ZNF280B: variants seen among roughly 807,000 people sequenced by gnomAD.
ZNF280B encodes the protein suppressor of hairy wing homolog 2.
ZNF280B carries 16 observed loss-of-function variants against 38.0 expected under a neutral mutation model. That is an observed-to-expected ratio of 0.42 (90% CI 0.28 to 0.64). The LOEUF (loss-of-function observed/expected upper bound fraction) is 0.64. ZNF280B is among the 30% of genes least tolerant of loss of function. ZNF280B has a pLI of 0.21. For synonymous variants in ZNF280B, 253 were observed against 230.6 expected (o/e 1.10, Z -0.88); for missense variants, 581 against 639.6 (o/e 0.91, Z 0.99).
At position 22,486,552 on chromosome 22, in the gene ZNF280B, AGAG is replaced by A. The variant is rs2061504114; in HGVS notation, c.*1212_*1214del. The A allele has an allele frequency of 6.6e-6, 1 of 152,320 alleles. No homozygotes were observed. The highest frequency in any genetic ancestry group is 1.5e-5 in the Non-Finnish European group (1 of 68,022). 9.4% of individuals were successfully genotyped at this position (152,320 alleles called of 1,614,324 possible). On this transcript the variant is annotated 3_prime_UTR_variant, in exon 4 of 4. Transcript: ENST00000626650. ...CTCCACTAACGGCTAGCCAGAAGGGAGAGGAGAGGGAATGAATCAAATTCACCT... is the reference window on the plus strand; with the variant it reads ...CTCCACTAACGGCTAGCCAGAAGGGAGAGAGGGAATGAATCAAATTCACCT...
intron 2 of ZNF280B, among the ~76,000 whole-genome samples, chr22:22,498,253 G>A (rs2061741232): frequency 6.6e-6 from 1 of 151,944 alleles, no homozygotes; most frequent in South Asian, 2.1e-4. Context: ...ACTTTGGAAT[G>A]ATGGAAATGT....
In ZNF280B at chr22:22,487,697, T is replaced by C; in HGVS notation, c.*70A>G. On this transcript the variant is annotated 3_prime_UTR_variant, in exon 4 of 4. Coordinates refer to ENST00000626650, the MANE Select transcript of ZNF280B (RefSeq NM_080764.4). The stretch of plus-strand genomic sequence containing the variant: ...TGGTGCTACTGAATAATGTATGGTT[T>C]GTATTTTTTGTTTTATGAGGTTTTT... 1 of 1,344,526 alleles carries C rather than the reference T, an allele frequency of 7.4e-7. No individual in the cohort carries two copies. The highest frequency in any genetic ancestry group is 1.0e-6 in the Non-Finnish European group (1 of 986,200). 83.3% of individuals were successfully genotyped at this position (1,344,526 alleles called of 1,614,324 possible).
At chr22:22,508,460 G>A (rs1179026541) in intron 1 of ZNF280B, among the ~76,000 whole-genome samples, 199 bp downstream of exon 1, 1 of 151,814 alleles carries the variant, frequency 6.6e-6, no homozygotes, top group Non-Finnish European at 1.5e-5. Context: ...CTGAGATTAG[G>A]GAAGGGGGTG....
upstream of ZNF280B, chr22:22,509,024 A>C (rs1339659615): frequency 3.9e-5 from 6 of 155,086 alleles, no homozygotes; most frequent in Admixed American, 2.0e-4. Context: ...CCAAGCAGTC[A>C]GGGTTCCAGA....
At position 22,487,603 on chromosome 22, in the gene ZNF280B, C is replaced by T; in HGVS notation, c.*164G>A. The T allele has an allele frequency of 1.8e-6, 1 of 556,308 alleles. No individual in the cohort carries two copies. Among genetic ancestry groups the T allele is most frequent in the Non-Finnish European group, 3.0e-6 (1 of 336,426 alleles). 34.5% of individuals were successfully genotyped at this position (556,308 alleles called of 1,614,324 possible). A position where few individuals can be genotyped will look rare whatever the true frequency, so the allele number is the denominator to read the frequency against. ...TGTTTTAAAATAATACCTCAAAATTCAGATCAAATAATATATATCCTGAAT... is the reference window on the plus strand; with the variant it reads ...TGTTTTAAAATAATACCTCAAAATTTAGATCAAATAATATATATCCTGAAT... On this transcript the variant is annotated 3_prime_UTR_variant, in exon 4 of 4. Coordinates refer to ENST00000626650, the MANE Select transcript of ZNF280B (RefSeq NM_080764.4).
At chr22:22,500,378 T>C (rs1305608079) in intron 2 of ZNF280B, among the ~76,000 whole-genome samples, 1 of 151,690 alleles carries the variant, frequency 6.6e-6, no homozygotes, top group African/African-American at 2.4e-5. Context: ...TATATATATA[T>C]ATGCACACAC....
chr22:22,493,821 T>C (rs1393149090), intron 3 of ZNF280B, among the ~76,000 whole-genome samples: 1 of 151,998 alleles, frequency 6.6e-6, no homozygotes, highest in African/African-American at 2.4e-5. Flanking sequence ...ATCACTCTTC[T>C]ATCCCTAAGC....
At chr22:22,490,960 C>A (rs1297915243) in intron 3 of ZNF280B, among the ~76,000 whole-genome samples, 1 of 151,750 alleles carries the variant, frequency 6.6e-6, no homozygotes, top group Non-Finnish European at 1.5e-5. Flanking sequence ...AATCTCTTTT[C>A]CCTTTTCTTT....
In ZNF280B at chr22:22,489,240, T is replaced by C. The variant is rs1054255507; in HGVS notation, c.159A>G (p.Ser53=). 6.2e-7 allele frequency: 1 copy of C among 1,613,858 alleles called. No individual in the cohort carries two copies. Among genetic ancestry groups the C allele is most frequent in the Non-Finnish European group, 8.5e-7 (1 of 1,179,958 alleles). Residue 53 remains serine (S), a synonymous_variant, in exon 4 of 4, where the codon TCA becomes TCG. Transcript: ENST00000626650. ...ELIFVGVTSN[S]KPVVSNILNR... ...TCAAAATGTTTGAAACGACTGGTTT[T>C]GAATTTGAAGTCACCCCAACAAAGA...
At chr22:22,501,468 G>A (rs1055362758) in intron 2 of ZNF280B, among the ~76,000 whole-genome samples, 2 of 151,770 alleles carry the variant, frequency 1.3e-5, no homozygotes, top group African/African-American at 2.4e-5. Flanking sequence ...AGAGGCTGAG[G>A]CAGGAAGAAT....
rs779840044 is a variant in ZNF280B at position 22,489,199 on chromosome 22, C to G, written c.200G>C (p.Gly67Ala). ...ATACTTTTTTCTCCTTGACCATGAA[C>G]CCGGGGTGACTCTGTTCAAAATGTT... ...VSNILNRVTPGSWSRRKKYDH... is the reference protein window; with the variant it reads ...VSNILNRVTPASWSRRKKYDH... Residue 67 changes from glycine (G) to alanine (A), a missense_variant, in exon 4 of 4, where the codon GGT becomes GCT. Gly to Ala is a moderately conservative substitution (Grantham distance 60). Transcript: ENST00000626650. The G allele has an allele frequency of 1.9e-6, 3 of 1,613,716 alleles. No individual in the cohort carries two copies. Among genetic ancestry groups the G allele is most frequent in the South Asian group, 1.1e-5 (1 of 91,062 alleles).
chr22:22,492,537 A>G (rs996404486), intron 3 of ZNF280B, among the ~76,000 whole-genome samples: 2 of 151,956 alleles, frequency 1.3e-5, no homozygotes, highest in Admixed American at 1.3e-4. Context: ...TCACTTCCAC[A>G]TTTCCAGTAA....
At position 22,485,230 on chromosome 22, in the gene ZNF280B, TTGA is replaced by T. The variant is rs2061488976; in HGVS notation, c.*2534_*2536del. On this transcript the variant is annotated 3_prime_UTR_variant, in exon 4 of 4. Transcript: ENST00000626650. ...TTTAATGAGACTGCAAACAACAGTG[TTGA>T]TAATACCAACCAATCACTCAACATA... is the stretch of plus-strand genomic sequence containing the variant. 6.6e-6 allele frequency: 1 copy of T among 151,946 alleles called. No individual in the cohort carries two copies. Among genetic ancestry groups the T allele is most frequent in the Admixed American group, 6.6e-5 (1 of 15,238 alleles). The allele number at this position is 151,946 out of a possible 1,614,324, so 9.4% of individuals were successfully genotyped here.
chr22:22,488,100 A>T lies in ZNF280B; in HGVS notation c.1299T>A (p.Leu433=). ...TGAAAATTTTGAGACAAAAGGGACA[A>T]AGCAAATTCTTTGTGTTTTCATGGC... ...RTCHENTKNL[L]CPFCLKIFKT... is the part of the protein sequence containing the mutation. The change falls in exon 4 of 4, where the codon CTT becomes CTA. Residue 433 remains leucine (L), a synonymous_variant. Transcript: ENST00000626650. 6.2e-7 allele frequency: 1 copy of T among 1,613,902 alleles called. No individual in the cohort carries two copies. The highest frequency in any genetic ancestry group is 8.5e-7 in the Non-Finnish European group (1 of 1,179,960).
chr22:22,507,506 G>A (rs534612174), intron 2 of ZNF280B, among the ~76,000 whole-genome samples: 50 of 151,636 alleles, frequency 3.3e-4, no homozygotes, highest in African/African-American at 1.1e-3. Context: ...TGAGAAAGAG[G>A]GTAGGATAAA....
chr22:22,506,293 G>T lies in ZNF280B; in HGVS notation c.-187+1517C>A, dbSNP rs575685414. On this transcript the variant is annotated intron_variant, in intron 2 of 3. Coordinates refer to ENST00000626650, the MANE Select transcript of ZNF280B (RefSeq NM_080764.4). ...CATTGATTAGAGGTCATGGAGATGA[G>T]AAGGAGCTGGTAAAGGAAATTAAAA... Among the ~76,000 whole-genome samples, 14 of 151,626 alleles carry T rather than the reference G, an allele frequency of 9.2e-5. No individual in the cohort carries two copies. The East Asian group carries it at 2.8e-3, about 30-fold the overall frequency.
chr22:22,497,623 C>T (rs1386726033), intron 2 of ZNF280B, among the ~76,000 whole-genome samples: 1 of 151,818 alleles, frequency 6.6e-6, no homozygotes, highest in Non-Finnish European at 1.5e-5. Flanking sequence ...TAAAAAAAGG[C>T]ATAACAAAGT....
chr22:22,502,584 C>G (rs987202456), intron 2 of ZNF280B, among the ~76,000 whole-genome samples: 3 of 151,920 alleles, frequency 2.0e-5, no homozygotes, highest in Non-Finnish European at 4.4e-5. Flanking sequence ...CAATGAAATA[C>G]TATTCAGCCA....
Position 22,485,781 on chromosome 22 carries a change from T to A in ZNF280B, c.*1986A>T, listed in dbSNP as rs967982682. Reference sequence around the variant, plus strand: ...AGGGAGAGATTTCTCCAGACCTATGTATGTCTACAGCCAAGATGGCGGATT... The same window carrying A: ...AGGGAGAGATTTCTCCAGACCTATGAATGTCTACAGCCAAGATGGCGGATT... On this transcript the variant is annotated 3_prime_UTR_variant, in exon 4 of 4. Coordinates refer to ENST00000626650, the MANE Select transcript of ZNF280B (RefSeq NM_080764.4). 24 of 115,796 alleles carry A rather than the reference T, an allele frequency of 2.1e-4. 1 individual carries two copies. The highest frequency in any genetic ancestry group is 2.0e-3 in the Admixed American group (24 of 12,096). The allele number at this position is 115,796 out of a possible 1,614,324, so 7.2% of individuals were successfully genotyped here.
Sources: gnomAD v4.1 joint callset for allele counts (sites outside exome capture counted in the v4.1 genomes callset) on GRCh38, gnomAD v4.1.1 for gene constraint, MANE v1.5 for transcripts, NCBI Gene and HGNC (gene_info 2026-07-23, HGNC 2026-07-21) for gene names.